Variants in GRM7 observed in about 807,000 individuals in gnomAD.
GRM7 encodes the protein metabotropic glutamate receptor 7.
GRM7 carries 35 observed loss-of-function variants against 84.5 expected under a neutral mutation model. The ratio of observed to expected loss-of-function variants is 0.41; its 90% CI spans 0.32 to 0.55. The LOEUF is 0.55. GRM7 is among the 20% of genes least tolerant of loss of function. GRM7 has a pLI of 0.19. For missense variants in GRM7, 1,003 were observed against 1,194.6 expected (o/e 0.84, Z 2.36); for synonymous variants, 487 against 455.1 (o/e 1.07, Z -0.89).
At chr3:7,262,172 A>G (rs917823052) in intron 2 of GRM7, among the ~76,000 whole-genome samples, 3 of 151,594 alleles carry the variant, frequency 2.0e-5, no homozygotes, top group African/African-American at 4.9e-5. Flanking sequence ...TTGTGAAATA[A>G]TGTTGGGAAA....
At chr3:7,059,115 A>G (rs983489638) in intron 1 of GRM7, among the ~76,000 whole-genome samples, 4 of 151,786 alleles carry the variant, frequency 2.6e-5, no homozygotes, top group African/African-American at 7.2e-5. Context: ...ATTTATTCCT[A>G]ATTAGATGGG....
At chr3:7,588,452 A>C (rs1695623238) in intron 8 of GRM7, among the ~76,000 whole-genome samples, 2 of 152,240 alleles carry the variant, frequency 1.3e-5, no homozygotes, top group African/African-American at 4.8e-5. Context: ...TTTTCAGGTC[A>C]TAAAGCACTG....
At chr3:7,290,579 G>A (rs996203944) in intron 2 of GRM7, among the ~76,000 whole-genome samples, 7 of 152,200 alleles carry the variant, frequency 4.6e-5, no homozygotes, top group Admixed American at 2.6e-4. Flanking sequence ...TGCTCAGAAT[G>A]AGAGGTGTGG....
chr3:7,183,520 G>T (rs1051099573), intron 2 of GRM7, among the ~76,000 whole-genome samples: 2 of 152,070 alleles, frequency 1.3e-5, no homozygotes, highest in African/African-American at 2.4e-5. Flanking sequence ...CCAGCTACTC[G>T]GGAGGCTGAG....
chr3:7,680,451 G>A, intron 9 of GRM7, 156 bp downstream of exon 9: 1 of 680,216 alleles, frequency 1.5e-6, no homozygotes, highest in Non-Finnish European at 2.5e-6. Flanking sequence ...TTTTGAGTTT[G>A]ACTCATTCCT....
chr3:6,914,968 G>A (rs1054282495), intron 1 of GRM7, among the ~76,000 whole-genome samples: 2 of 152,008 alleles, frequency 1.3e-5, no homozygotes, highest in African/African-American at 4.8e-5. Flanking sequence ...AACTCAAGAG[G>A]ACAAAAAGAA....
At chr3:7,345,536 G>A (rs1195636977) in intron 4 of GRM7, among the ~76,000 whole-genome samples, 2 of 152,022 alleles carry the variant, frequency 1.3e-5, no homozygotes, top group Non-Finnish European at 2.9e-5. Flanking sequence ...TGTCAGCCTT[G>A]GCCTCCCAAA....
intron 1 of GRM7, among the ~76,000 whole-genome samples, chr3:7,036,016 T>C (rs1696374525): frequency 6.6e-6 from 1 of 152,194 alleles, no homozygotes; most frequent in Admixed American, 6.5e-5. Context: ...ACTCCCACTT[T>C]GCCAGTGAGA....
At chr3:7,201,610 A>G (rs1260612667) in intron 2 of GRM7, among the ~76,000 whole-genome samples, 1 of 152,184 alleles carries the variant, frequency 6.6e-6, no homozygotes, top group African/African-American at 2.4e-5. Context: ...GGTATTATGT[A>G]AATATTTTCC....
At chr3:7,693,533 C>T in intron 9 of GRM7, 1 of 748,912 alleles carries the variant, frequency 1.3e-6, no homozygotes, top group Non-Finnish European at 2.3e-6. Flanking sequence ...CTTAATTCCT[C>T]TTTCCCTCAT....
intron 7 of GRM7, among the ~76,000 whole-genome samples, chr3:7,575,247 A>C (rs1694904147): frequency 6.6e-6 from 1 of 152,196 alleles, no homozygotes; most frequent in Admixed American, 6.5e-5. Flanking sequence ...TAAACCTTGG[A>C]TGTCCAGAAG....
intron 1 of GRM7, among the ~76,000 whole-genome samples, chr3:6,865,125 A>G (rs1156354640): frequency 1.3e-5 from 2 of 152,234 alleles, no homozygotes; most frequent in Non-Finnish European, 1.5e-5. Flanking sequence ...CCTGCAATGC[A>G]TTTTCAGCCT....
At position 7,306,525 on chromosome 3, in the gene GRM7, T is replaced by C. The variant is rs750608558; in HGVS notation, c.906T>C (p.Ala302=). 5.6e-6 allele frequency: 9 copies of C among 1,613,888 alleles called. No homozygotes were observed. In the Admixed American group the frequency reaches 1.5e-4, roughly 27 times the overall value. The change falls in exon 4 of 10, where the codon GCT becomes GCC. Residue 302 remains alanine, a synonymous_variant. Coordinates refer to ENST00000357716, the MANE Select transcript of GRM7 (RefSeq NM_000844.4). ...AGATCCTTGCAGCAGCCAAAAGAGC[T>C]GACCAAGTTGGCCATTTTCTTTGGG... ...IKQILAAAKR[A]DQVGHFLWVG...
At chr3:7,491,595 C>T (rs1011969446) in intron 7 of GRM7, among the ~76,000 whole-genome samples, 14 of 152,262 alleles carry the variant, frequency 9.2e-5, no homozygotes, top group African/African-American at 3.4e-4. Flanking sequence ...GGAGGTGGGC[C>T]TCTTAAACTC....
chr3:6,933,404 T>A (rs1697577653), intron 1 of GRM7, among the ~76,000 whole-genome samples: 1 of 152,158 alleles, frequency 6.6e-6, no homozygotes, highest in Non-Finnish European at 1.5e-5. Context: ...AACCTACACA[T>A]CATGTATACA....
At chr3:6,932,308 G>A (rs1227950992) in intron 1 of GRM7, among the ~76,000 whole-genome samples, 2 of 152,116 alleles carry the variant, frequency 1.3e-5, no homozygotes, top group African/African-American at 4.8e-5. Context: ...CCTTTATCCT[G>A]CTTTGTACTT....
At position 7,504,819 on chromosome 3, in the gene GRM7, G is replaced by T. The variant is rs544610871; in HGVS notation, c.1515+43097G>T. ...TTTTAGCCATAGCATTCTGTCTCTA[G>T]CCCCCAAAATTAATGTCCTTCTTAC... On this transcript the variant is annotated intron_variant, in intron 7 of 9. Transcript: ENST00000357716. Among the ~76,000 whole-genome samples the T allele has an allele frequency of 2.0e-5, 3 of 152,194 alleles. No homozygotes were observed. The South Asian group carries it at 6.2e-4, about 32-fold the overall frequency.
At chr3:7,519,700 A>T (rs547675427) in intron 7 of GRM7, 1 of 152,346 alleles carries the variant, frequency 6.6e-6, no homozygotes, top group East Asian at 1.9e-4. Context: ...AGTATAAAAA[A>T]GAATTGTTCT....
At chr3:7,385,975 C>T (rs576406110) in intron 4 of GRM7, among the ~76,000 whole-genome samples, 2 of 152,246 alleles carry the variant, frequency 1.3e-5, no homozygotes, top group East Asian at 3.9e-4. Flanking sequence ...CAAAGCAAAA[C>T]GTGCATACAG....
Sources: allele counts gnomAD v4.1 joint callset (sites outside exome capture counted in the v4.1 genomes callset), GRCh38; gene constraint gnomAD v4.1.1; transcripts MANE v1.5; gene names NCBI Gene and HGNC (gene_info 2026-07-23, HGNC 2026-07-21).